ADAMTS16: variants seen among roughly 807,000 people sequenced by gnomAD.
The protein encoded by ADAMTS16 is ADAM metallopeptidase with thrombospondin type 1 motif 16.
A neutral mutation model predicts 145.8 loss-of-function variants in ADAMTS16; 94 were observed. The ratio of observed to expected loss-of-function variants is 0.64; its 90% CI spans 0.55 to 0.77. The LOEUF is 0.77. ADAMTS16 is among the 30% of genes least tolerant of loss of function. The pLI is 0.00. For synonymous variants in ADAMTS16, 659 were observed against 604.3 expected, an observed-to-expected ratio of 1.09 and a Z score of -1.33; for missense variants, 1,585 against 1,591.5, an observed-to-expected ratio of 1.00 and a Z score of 0.07.
chr5:5,260,749 G>T (rs1324864730), intron 17 of ADAMTS16, among the ~76,000 whole-genome samples: 1 of 152,172 alleles, frequency 6.6e-6, no homozygotes, highest in Non-Finnish European at 1.5e-5. Context: ...CTTCTGAAGG[G>T]CCCCACTCCT....
In ADAMTS16 at chr5:5,306,538, G is replaced by T. The variant is rs1361880846; in HGVS notation, c.3221G>T (p.Arg1074Ile). 6 of 1,613,892 alleles carry T rather than the reference G, an allele frequency of 3.7e-6. No homozygotes were observed. Among genetic ancestry groups the T allele is most frequent in the Non-Finnish European group, 5.1e-6 (6 of 1,179,906 alleles). ...SVTCERGTQK[R>I]FLKCAEKYVS... ...ACATGTGAAAGAGGAACACAGAAAAGATTCTTAAAATGTGCTGAAAAGTAT... is the reference window on the plus strand; with the variant it reads ...ACATGTGAAAGAGGAACACAGAAAATATTCTTAAAATGTGCTGAAAAGTAT... Residue 1074 changes from arginine to isoleucine, a missense_variant, in exon 21 of 23, where the codon AGA becomes ATA. By Grantham distance (97) the Arg-to-Ile change is moderately conservative (BLOSUM62 -3). Transcript: ENST00000274181.
intron 18 of ADAMTS16, among the ~76,000 whole-genome samples, chr5:5,267,300 T>G (rs1041806185): frequency 1.3e-5 from 2 of 152,208 alleles, no homozygotes; most frequent in Admixed American, 1.3e-4. Context: ...ATCAGCTCAA[T>G]TAGACCCTTT....
At chr5:5,167,391 G>A (rs1039952786) in intron 3 of ADAMTS16, among the ~76,000 whole-genome samples, 1 of 152,166 alleles carries the variant, frequency 6.6e-6, no homozygotes, top group Non-Finnish European at 1.5e-5. Flanking sequence ...TTATGTCCCA[G>A]GAATATATTC....
chr5:5,173,193 T>G (rs890770998), intron 3 of ADAMTS16, among the ~76,000 whole-genome samples: 5 of 151,918 alleles, frequency 3.3e-5, no homozygotes, highest in Admixed American at 6.5e-5. Flanking sequence ...TTTTTTTTCT[T>G]AATCCATTCA....
chr5:5,185,095 G>A (rs971028612), intron 4 of ADAMTS16, among the ~76,000 whole-genome samples: 9 of 152,122 alleles, frequency 5.9e-5, no homozygotes, highest in Admixed American at 2.6e-4. Context: ...ACACCTGCGG[G>A]CATTGCATAA....
intron 18 of ADAMTS16, among the ~76,000 whole-genome samples, chr5:5,283,910 A>C (rs546445018): frequency 2.6e-5 from 4 of 152,320 alleles, no homozygotes; most frequent in Admixed American, 1.3e-4. Context: ...TGGTGGCTTT[A>C]ATAGTATTTT....
rs1005701549 is a variant in ADAMTS16 at position 5,319,345 on chromosome 5, C to G, written c.*207C>G. ...TGTGTCCCCATGCACACAGTGTCTC[C>G]TGTCAGGCTGAAATGTGGCACCCTG... On this transcript the variant is annotated 3_prime_UTR_variant, in exon 23 of 23. Transcript: ENST00000274181. 1.3e-5 allele frequency: 7 copies of G among 548,872 alleles called. No individual in the cohort carries two copies. The highest frequency in any genetic ancestry group is 2.3e-5 in the Non-Finnish European group (7 of 305,538). 34.0% of individuals were successfully genotyped at this position (548,872 alleles called of 1,614,324 possible).
At chr5:5,169,652 C>T (rs907034667) in intron 3 of ADAMTS16, among the ~76,000 whole-genome samples, 7 of 152,186 alleles carry the variant, frequency 4.6e-5, no homozygotes, top group Non-Finnish European at 8.8e-5. Context: ...TTTAATCACA[C>T]GATTGCTCGC....
intron 8 of ADAMTS16, among the ~76,000 whole-genome samples, chr5:5,199,286 C>G (rs533958870): frequency 7.2e-5 from 11 of 152,176 alleles, no homozygotes; most frequent in Non-Finnish European, 1.3e-4. Context: ...TGTTAATTGG[C>G]ATTGTAGGAT....
At chr5:5,144,276 T>G (rs2126499089) in intron 2 of ADAMTS16, among the ~76,000 whole-genome samples, 2 of 152,390 alleles carry the variant, frequency 1.3e-5, no homozygotes, top group South Asian at 4.1e-4. Context: ...AAGAATTTAC[T>G]TATTGCCCTG....
intron 10 of ADAMTS16, among the ~76,000 whole-genome samples, chr5:5,218,559 T>C (rs546985873): frequency 6.6e-6 from 1 of 152,338 alleles, no homozygotes; most frequent in African/African-American, 2.4e-5. Context: ...TGTTAACCAG[T>C]TCAATAGACC....
At chr5:5,142,191 G>A (rs1171590373) in intron 2 of ADAMTS16, 1 of 152,110 alleles carries the variant, frequency 6.6e-6, no homozygotes, top group African/African-American at 2.4e-5. Flanking sequence ...AGACACAGAA[G>A]AAAGAAGAAG....
intron 1 of ADAMTS16, 23 bp from the exon 2 acceptor site, chr5:5,140,641 G>C (rs1734134371): frequency 1.3e-6 from 2 of 1,535,698 alleles, no homozygotes; most frequent in African/African-American, 2.7e-5. Flanking sequence ...GTCTCACCGC[G>C]ATGTCGCCGC....
At chr5:5,306,844 T>C (rs1409541920) in intron 21 of ADAMTS16, 116 bp downstream of exon 21, 5 of 1,056,510 alleles carry the variant, frequency 4.7e-6, no homozygotes, top group Non-Finnish European at 6.7e-6. Flanking sequence ...GCCAAGCTAC[T>C]GCATGAGGTT....
chr5:5,319,110 G>A lies in ADAMTS16; in HGVS notation c.3647G>A (p.Cys1216Tyr). ...CSHKFYGKQC[C>Y]KTCSKSNL is the part of the protein sequence containing the mutation. ...CACAAGTTCTACGGCAAGCAGTGCTGCAAGACTTGCTCTAAGTCCAACTTG... is the reference window on the plus strand; with the variant it reads ...CACAAGTTCTACGGCAAGCAGTGCTACAAGACTTGCTCTAAGTCCAACTTG... Residue 1216 changes from cysteine (C) to tyrosine (Y), a missense_variant, in exon 23 of 23, where the codon TGC becomes TAC. By Grantham distance (194) the Cys-to-Tyr change is radical. This residue lies in a region of ADAMTS16 where 834 missense variants were observed against 811.7 expected (regional missense o/e 1.03). Coordinates refer to ENST00000274181, the MANE Select transcript of ADAMTS16 (RefSeq NM_139056.4). The A allele has an allele frequency of 2.5e-6, 4 of 1,612,358 alleles. No individual in the cohort carries two copies. The highest frequency in any genetic ancestry group is 3.3e-5 in the Admixed American group (2 of 59,912).
chr5:5,198,466 G>A (rs1251719573), intron 8 of ADAMTS16, among the ~76,000 whole-genome samples: 2 of 152,204 alleles, frequency 1.3e-5, no homozygotes, highest in East Asian at 1.9e-4. Context: ...CTTCAATCAC[G>A]TTCAGGTTAC....
intron 8 of ADAMTS16, 116 bp downstream of exon 8, chr5:5,191,906 G>C: frequency 1.4e-6 from 1 of 715,254 alleles, no homozygotes; most frequent in South Asian, 1.8e-5. Flanking sequence ...TATATCCAAC[G>C]AGAATGCCAT....
intron 17 of ADAMTS16, among the ~76,000 whole-genome samples, chr5:5,257,605 A>G (rs941855859): frequency 5.3e-5 from 8 of 152,218 alleles, no homozygotes; most frequent in African/African-American, 1.9e-4. Context: ...TTCAGGGCAA[A>G]TGTGCATAAA....
intron 3 of ADAMTS16, among the ~76,000 whole-genome samples, chr5:5,180,074 G>A (rs1382227868): frequency 6.6e-6 from 1 of 152,096 alleles, no homozygotes; most frequent in Non-Finnish European, 1.5e-5. Flanking sequence ...GCCCCATGCA[G>A]GGCTTCACTA....
Sources: gnomAD v4.1 joint callset for allele counts (sites outside exome capture counted in the v4.1 genomes callset) on GRCh38, gnomAD v4.1.1 for gene constraint, gnomAD v4.1.1 regional missense constraint, MANE v1.5 for transcripts, NCBI Gene and HGNC (gene_info 2026-07-23, HGNC 2026-07-21) for gene names.